The following PLXNC1 variants were observed in gnomAD, a reference collection of about 807,000 sequenced individuals.
The protein encoded by PLXNC1 is plexin-C1.
In PLXNC1, 75 loss-of-function variants were observed where a neutral mutation model predicts 178.2. The ratio of observed to expected loss-of-function variants is 0.42; its 90% CI spans 0.35 to 0.51. The LOEUF is 0.51. PLXNC1 is among the 20% of genes least tolerant of loss of function. The pLI is 0.02. For synonymous variants in PLXNC1, 790 were observed against 779.9 expected, an observed-to-expected ratio of 1.01 and a Z score of -0.22; for missense variants, 1,503 against 1,984.4, an observed-to-expected ratio of 0.76 and a Z score of 4.61.
intron 3 of PLXNC1, among the ~76,000 whole-genome samples, chr12:94,182,417 C>CAA (rs10596280): frequency 2.3e-5 from 1 of 43,376 alleles, no homozygotes; most frequent in African/African-American, 9.1e-5. Flanking sequence ...GACCCTGTCT[C>CAA]AAAAAAAAAA....
At chr12:94,210,914 T>A (rs555998989) in intron 5 of PLXNC1, among the ~76,000 whole-genome samples, 2 of 152,350 alleles carry the variant, frequency 1.3e-5, no homozygotes, top group Admixed American at 1.3e-4. Context: ...AATTTGGCGC[T>A]AATAGAGAAT....
chr12:94,267,762 T>G (rs1965329809), intron 21 of PLXNC1, among the ~76,000 whole-genome samples: 1 of 152,148 alleles, frequency 6.6e-6, no homozygotes, highest in South Asian at 2.1e-4. Context: ...TATAAAAAAT[T>G]TAAGTTTTTC....
intron 22 of PLXNC1, among the ~76,000 whole-genome samples, chr12:94,281,448 G>C (rs1304344593): frequency 6.6e-6 from 1 of 152,190 alleles, no homozygotes; most frequent in East Asian, 1.9e-4. Context: ...GACTTAATGG[G>C]AAAGGACTCG....
intron 9 of PLXNC1, among the ~76,000 whole-genome samples, chr12:94,231,596 C>A (rs772776491): frequency 6.6e-6 from 1 of 152,166 alleles, no homozygotes; most frequent in Non-Finnish European, 1.5e-5. Flanking sequence ...TTCATGACCC[C>A]AAGACCTACT....
intron 1 of PLXNC1, among the ~76,000 whole-genome samples, chr12:94,156,640 G>A (rs2135922616): frequency 6.6e-6 from 1 of 150,746 alleles, no homozygotes; most frequent in East Asian, 1.9e-4. Flanking sequence ...ATCACGCCCA[G>A]CTAATTGGAA....
intron 5 of PLXNC1, among the ~76,000 whole-genome samples, chr12:94,214,152 A>G (rs1261194754): frequency 1.3e-5 from 2 of 151,142 alleles, no homozygotes; most frequent in Non-Finnish European, 2.9e-5. Flanking sequence ...AGACGTGATC[A>G]TAATTTACTG....
chr12:94,193,642 A>G (rs1962805753), intron 4 of PLXNC1, among the ~76,000 whole-genome samples: 2 of 152,168 alleles, frequency 1.3e-5, no homozygotes, highest in Admixed American at 1.3e-4. Context: ...TTAGACCCCA[A>G]AAGATGGGCA....
At chr12:94,150,085 C>A in intron 1 of PLXNC1, 52 bp downstream of exon 1, 1 of 1,403,716 alleles carries the variant, frequency 7.1e-7, no homozygotes. Flanking sequence ...GGGGAGCCGC[C>A]GCCGCCGCCG....
chr12:94,168,923 C>A (rs1036015878), intron 1 of PLXNC1, among the ~76,000 whole-genome samples: 2 of 152,094 alleles, frequency 1.3e-5, no homozygotes, highest in African/African-American at 4.8e-5. Context: ...CTTTGGCACT[C>A]AATACCTGTT....
chr12:94,224,738 G>A (rs895153639), intron 7 of PLXNC1, among the ~76,000 whole-genome samples: 4 of 151,922 alleles, frequency 2.6e-5, no homozygotes, highest in African/African-American at 7.3e-5. Context: ...AGACGCCATC[G>A]CTACAAAAAA....
At chr12:94,208,272 C>T (rs1181501938) in intron 4 of PLXNC1, among the ~76,000 whole-genome samples, 8 of 152,184 alleles carry the variant, frequency 5.3e-5, no homozygotes, top group Admixed American at 5.2e-4. Flanking sequence ...TTATTGGGAG[C>T]AGGGTTCCCC....
intron 23 of PLXNC1, among the ~76,000 whole-genome samples, chr12:94,286,616 C>CAAAAAAAAAAA (rs61238982): frequency 2.0e-5 from 2 of 101,374 alleles, no homozygotes; most frequent in Non-Finnish European, 3.8e-5. Flanking sequence ...TGCTTAAAAG[C>CAAAAAAAAAAA]AAAAAAAAAA....
intron 5 of PLXNC1, among the ~76,000 whole-genome samples, chr12:94,217,696 C>A (rs900266079): frequency 2.6e-5 from 4 of 152,182 alleles, no homozygotes; most frequent in Non-Finnish European, 5.9e-5. Flanking sequence ...TAAGGGGTAC[C>A]TTGACTGCCT....
At chr12:94,164,413 G>A (rs1961509922) in intron 1 of PLXNC1, among the ~76,000 whole-genome samples, 2 of 145,850 alleles carry the variant, frequency 1.4e-5, no homozygotes, top group South Asian at 4.5e-4. Flanking sequence ...TCCCGATGAT[G>A]CCGCAAAAGC....
At chr12:94,273,786 C>T (rs889879991) in intron 21 of PLXNC1, among the ~76,000 whole-genome samples, 1 of 152,166 alleles carries the variant, frequency 6.6e-6, no homozygotes, top group African/African-American at 2.4e-5. Context: ...ACAAAATGAG[C>T]TCTGGCAGTT....
chr12:94,252,371 C>T (rs1339142418), intron 15 of PLXNC1, among the ~76,000 whole-genome samples: 1 of 152,142 alleles, frequency 6.6e-6, no homozygotes, highest in Non-Finnish European at 1.5e-5. Context: ...TTTGAGGTTA[C>T]AGTGAGTTAT....
At chr12:94,173,296 C>A (rs536879282) in intron 2 of PLXNC1, among the ~76,000 whole-genome samples, 16 of 152,286 alleles carry the variant, frequency 1.1e-4, no homozygotes, top group Admixed American at 9.8e-4. Flanking sequence ...CTCTGTTGCC[C>A]ATAGAAAATT....
At position 94,226,662 on chromosome 12, in the gene PLXNC1, C is replaced by T. The variant is rs775569630; in HGVS notation, c.1848C>T (p.Ile616=). ...CAWCKSARRC[I]HPFTACDPSD... is the part of the protein sequence containing the mutation. ...GGTGTAAAAGTGCAAGAAGGTGTAT[C>T]CACCCCTTCACAGCTTGCGACCCTT... Residue 616 remains isoleucine (I), a synonymous_variant, in exon 8 of 31, where the codon ATC becomes ATT. Transcript: ENST00000258526. 1 of 1,613,696 alleles carries T rather than the reference C, an allele frequency of 6.2e-7. No individual in the cohort carries two copies. The highest frequency in any genetic ancestry group is 1.3e-5 in the African/African-American group (1 of 75,020).
intron 21 of PLXNC1, among the ~76,000 whole-genome samples, chr12:94,267,478 T>C (rs929996668): frequency 1.3e-5 from 2 of 152,202 alleles, no homozygotes; most frequent in African/African-American, 4.8e-5. Context: ...TTTTTCTTTA[T>C]AGCCCCTGGG....
Sources: allele counts gnomAD v4.1 joint callset (sites outside exome capture counted in the v4.1 genomes callset), GRCh38; gene constraint gnomAD v4.1.1; transcripts MANE v1.5; gene names NCBI Gene and HGNC (gene_info 2026-07-23, HGNC 2026-07-21).